The following PLA2R1 variants were observed in gnomAD, a reference collection of about 807,000 sequenced individuals.
The protein encoded by PLA2R1 is secretory phospholipase A2 receptor.
In PLA2R1, 158 loss-of-function variants were observed where a neutral mutation model predicts 195.9. The ratio of observed to expected loss-of-function variants is 0.81; its 90% CI spans 0.71 to 0.92. PLA2R1 has a LOEUF of 0.92. PLA2R1 is among the 40% of genes least tolerant of loss of function. The pLI is 0.00. For missense variants in PLA2R1, 1,626 were observed against 1,764.6 expected, an observed-to-expected ratio of 0.92 and a Z score of 1.41; for synonymous variants, 586 against 598.2, an observed-to-expected ratio of 0.98 and a Z score of 0.30.
chr2:160,017,107 T>C (rs1692821306), intron 8 of PLA2R1, among the ~76,000 whole-genome samples: 1 of 152,180 alleles, frequency 6.6e-6, no homozygotes, highest in Non-Finnish European at 1.5e-5. Context: ...CAGTAAAAAT[T>C]GGAGCTAGGA....
Position 159,949,593 on chromosome 2 carries a change from T to C in PLA2R1, c.3709+15A>G. The C allele has an allele frequency of 1.3e-6, 2 of 1,599,778 alleles. No homozygotes were observed. Among genetic ancestry groups the C allele is most frequent in the Non-Finnish European group, 1.7e-6 (2 of 1,167,432 alleles). ...AAATAAGGTATATTTTTGAGTTGAATAGAATTGAACCTACCAGGTGGCACA... is the reference window on the plus strand; with the variant it reads ...AAATAAGGTATATTTTTGAGTTGAACAGAATTGAACCTACCAGGTGGCACA... On this transcript the variant is annotated intron_variant, in intron 25 of 29. Coordinates refer to ENST00000283243, the MANE Select transcript of PLA2R1 (RefSeq NM_007366.5).
rs1465297650 is a variant in PLA2R1, at chr2:159,940,323, C to A, written c.*1455G>T. ...TCTTTACTGAGTTACTGTCAATTTT[C>A]CCTCATTAGAAAATAAGTGGCATGA... On this transcript the variant is annotated 3_prime_UTR_variant, in exon 30 of 30. Transcript: ENST00000283243. 1 of 152,198 alleles carries A rather than the reference C, an allele frequency of 6.6e-6. No homozygotes were observed. The highest frequency in any genetic ancestry group is 1.5e-5 in the Non-Finnish European group (1 of 68,040). 9.4% of individuals were successfully genotyped at this position (152,198 alleles called of 1,614,324 possible).
chr2:159,982,424 C>T (rs1175213834), intron 13 of PLA2R1, among the ~76,000 whole-genome samples: 14 of 152,154 alleles, frequency 9.2e-5, no homozygotes, highest in Admixed American at 8.5e-4. Flanking sequence ...TCAGCATTTC[C>T]CGTAGGGACT....
At chr2:159,989,371 A>G (rs1225492147) in intron 11 of PLA2R1, among the ~76,000 whole-genome samples, 1 of 152,188 alleles carries the variant, frequency 6.6e-6, no homozygotes, top group African/African-American at 2.4e-5. Context: ...GGAAGCCCCA[A>G]ATGCAATATA....
At position 159,976,587 on chromosome 2, in the gene PLA2R1, G is replaced by A. The variant is rs575062284; in HGVS notation, c.2437+98C>T. ...GGTTGACACAAGAAAAGAGAGGCTC[G>A]ATTTGAGAAATGTAACAACACATTA... is the stretch of plus-strand genomic sequence containing the variant. On this transcript the variant is annotated intron_variant, in intron 16 of 29. Coordinates refer to ENST00000283243, the MANE Select transcript of PLA2R1 (RefSeq NM_007366.5). 42 of 777,850 alleles carry A rather than the reference G, an allele frequency of 5.4e-5. No individual in the cohort carries two copies. The South Asian group carries it at 6.3e-4, about 12-fold the overall frequency. 48.2% of individuals were successfully genotyped at this position (777,850 alleles called of 1,614,324 possible).
intron 4 of PLA2R1, among the ~76,000 whole-genome samples, chr2:160,031,759 T>C (rs934713376): frequency 6.6e-6 from 1 of 152,162 alleles, no homozygotes; most frequent in African/African-American, 2.4e-5. Flanking sequence ...TTATTTTTAT[T>C]TTTTATTTAT....
intron 23 of PLA2R1, 92 bp downstream of exon 23, chr2:159,955,107 A>G (rs1687998447): frequency 5.6e-6 from 5 of 896,050 alleles, no homozygotes; most frequent in Non-Finnish European, 8.7e-6. Context: ...GGAAACTGTT[A>G]GCTACATTAG....
chr2:159,967,535 T>TTACC lies in PLA2R1; in HGVS notation c.2904_2904+3dup. 6.2e-7 allele frequency: 1 copy of TTACC among 1,611,286 alleles called. No individual in the cohort carries two copies. Among genetic ancestry groups the TTACC allele is most frequent in the Non-Finnish European group, 8.5e-7 (1 of 1,178,884 alleles). Reference sequence around the variant, plus strand: ...CAAAGGCAACTTTTGAAAAACAAGCTTACCTTATAGTTAAAATATAGCCAT... The same window carrying TTACC: ...CAAAGGCAACTTTTGAAAAACAAGCTTACCTACCTTATAGTTAAAATATAGCCAT... On this transcript the variant is annotated splice_donor_region_variant and intron_variant, in intron 20 of 29. Coordinates refer to ENST00000283243, the MANE Select transcript of PLA2R1 (RefSeq NM_007366.5).
At chr2:159,956,313 T>C (rs1221439312) in intron 21 of PLA2R1, among the ~76,000 whole-genome samples, 197 bp downstream of exon 21, 3 of 152,216 alleles carry the variant, frequency 2.0e-5, no homozygotes, top group Non-Finnish European at 4.4e-5. Context: ...CCCAGCAGTT[T>C]ATAAGCAATG....
In PLA2R1 at chr2:160,005,684, A is replaced by T. The variant is rs1364503912; in HGVS notation, c.1802T>A (p.Val601Glu). The change falls in exon 11 of 30, where the codon GTG becomes GAG. Residue 601 changes from valine to glutamate, a missense_variant. Val to Glu is a moderately radical substitution (Grantham distance 121). Coordinates refer to ENST00000283243, the MANE Select transcript of PLA2R1 (RefSeq NM_007366.5). ...WKPVGQKPEP[V>E]QYTHWNTHQP... The stretch of plus-strand genomic sequence containing the variant: ...GTGTGTGTTCCAGTGTGTGTACTGC[A>T]CCGGCTCGGGTTTCTGCCCTACTGG... The T allele has an allele frequency of 1.2e-6, 2 of 1,614,106 alleles. No individual in the cohort carries two copies. Among genetic ancestry groups the T allele is most frequent in the Non-Finnish European group, 1.7e-6 (2 of 1,179,984 alleles).
Position 159,982,900 on chromosome 2 carries a change from T to C in PLA2R1, c.2183+1028A>G, listed in dbSNP as rs183752914. On this transcript the variant is annotated intron_variant, in intron 13 of 29. Transcript: ENST00000283243. The stretch of plus-strand genomic sequence containing the variant: ...ATACAGAGTCATGGAGGTGTGATGA[T>C]CACAACATCCTCAGAGGCAGGATCT... Among the ~76,000 whole-genome samples, 569 of 152,286 alleles carry C rather than the reference T, an allele frequency of 3.7e-3. 1 individual carries two copies. The highest frequency in any genetic ancestry group is 0.013 in the African/African-American group (538 of 41,552).
intron 3 of PLA2R1, among the ~76,000 whole-genome samples, chr2:160,034,878 G>T (rs969158889): frequency 2.6e-5 from 4 of 152,176 alleles, no homozygotes; most frequent in African/African-American, 4.8e-5. Flanking sequence ...AGACCAGCCT[G>T]GGCAACATGG....
intron 1 of PLA2R1, among the ~76,000 whole-genome samples, chr2:160,052,994 A>G (rs1695308053): frequency 6.6e-6 from 1 of 152,230 alleles, no homozygotes; most frequent in African/African-American, 2.4e-5. Flanking sequence ...TCGGTTTGCT[A>G]CTAGGGTTGC....
At chr2:159,985,164 T>C (rs1048121480) in intron 12 of PLA2R1, among the ~76,000 whole-genome samples, 1 of 152,244 alleles carries the variant, frequency 6.6e-6, no homozygotes, top group Admixed American at 6.5e-5. Context: ...GGCAAATCAC[T>C]ACATTTCACA....
intron 23 of PLA2R1, 100 bp downstream of exon 23, chr2:159,955,099 A>C: frequency 1.2e-6 from 1 of 842,642 alleles, no homozygotes; most frequent in East Asian, 2.6e-5. Flanking sequence ...GTTAGCCAGG[A>C]AACTGTTAGC....
At chr2:160,006,214 G>A (rs1194853208) in intron 10 of PLA2R1, among the ~76,000 whole-genome samples, 1 of 152,148 alleles carries the variant, frequency 6.6e-6, no homozygotes, top group Non-Finnish European at 1.5e-5. Context: ...GGTAAAGGTG[G>A]GCAGGAGGGA....
intron 8 of PLA2R1, among the ~76,000 whole-genome samples, chr2:160,018,221 AT>A (rs1692891301): frequency 6.6e-6 from 1 of 152,166 alleles, no homozygotes; most frequent in Non-Finnish European, 1.5e-5. Context: ...TTAAAAAAAA[AT>A]CTCTGTCCAA....
chr2:159,961,069 T>G (rs1688404145), intron 20 of PLA2R1, among the ~76,000 whole-genome samples: 1 of 152,180 alleles, frequency 6.6e-6, no homozygotes, highest in South Asian at 2.1e-4. Context: ...CTGATAAACT[T>G]ACTTGTTTCA....
At chr2:160,024,513 C>G (rs1174476763) in intron 6 of PLA2R1, among the ~76,000 whole-genome samples, 3 of 152,108 alleles carry the variant, frequency 2.0e-5, no homozygotes, top group Non-Finnish European at 4.4e-5. Flanking sequence ...CCTGGCTGCC[C>G]AAAACAGTCA....
Sources: allele counts gnomAD v4.1 joint callset (sites outside exome capture counted in the v4.1 genomes callset), GRCh38; gene constraint gnomAD v4.1.1; transcripts MANE v1.5; gene names NCBI Gene and HGNC (gene_info 2026-07-23, HGNC 2026-07-21).